C4orf17: variants seen among roughly 807,000 people sequenced by gnomAD.
C4orf17 encodes the protein uncharacterized protein C4orf17.
In C4orf17, 25 loss-of-function variants were observed where a neutral mutation model predicts 32.0. The ratio of observed to expected loss-of-function variants is 0.78; its 90% confidence interval spans 0.57 to 1.09. The LOEUF (loss-of-function observed/expected upper bound fraction) is 1.09, where lower values mean the gene tolerates loss of function less well. Among genes scored for constraint, C4orf17 ranks in the 50% least tolerant of loss-of-function variants. The pLI is 0.00. For synonymous variants in C4orf17, 149 were observed against 145.8 expected (o/e 1.02, Z -0.16); for missense variants, 420 against 420.0 (o/e 1.00, Z 0.00).
In C4orf17 at chr4:99,524,529, A is replaced by G. The variant is rs1256331066; in HGVS notation, c.346A>G (p.Arg116Gly). The G allele has an allele frequency of 6.3e-7, 1 of 1,596,694 alleles. No individual in the cohort carries two copies. Among genetic ancestry groups the G allele is most frequent in the African/African-American group, 1.3e-5 (1 of 74,484 alleles). The change falls in exon 4 of 9, where the codon AGA (arginine) becomes GGA (glycine). Residue 116 changes from arginine (R) to glycine (G), a missense_variant. Transcript: ENST00000326581. Reference protein sequence around the residue: ...VPPRPHSEPSRKIKECFKTSS... With the variant: ...VPPRPHSEPSGKIKECFKTSS... Reference sequence around the variant, plus strand: ...CCTCAATTTTATTTCAGAGCCCAGTAGAAAAATTAAAGAGTGCTTCAAAAC... The same window carrying G: ...CCTCAATTTTATTTCAGAGCCCAGTGGAAAAATTAAAGAGTGCTTCAAAAC...
chr4:99,527,388 G>A (rs145853400), intron 4 of C4orf17, among the ~76,000 whole-genome samples: 19 of 152,218 alleles, frequency 1.2e-4, no homozygotes, highest in Non-Finnish European at 2.2e-4. Flanking sequence ...TTGGTAGAAC[G>A]CAATATAAAT....
At chr4:99,521,728 A>G (rs35263221) in intron 2 of C4orf17, among the ~76,000 whole-genome samples, 9,631 of 152,260 alleles carry the variant, frequency 0.063, 545 homozygotes, top group South Asian at 0.16. Flanking sequence ...CAACGCAGCC[A>G]TCTCTTAATA....
At chr4:99,515,367 T>C (rs934395597) in intron 2 of C4orf17, among the ~76,000 whole-genome samples, 2 of 152,000 alleles carry the variant, frequency 1.3e-5, no homozygotes, top group East Asian at 3.9e-4. Context: ...TCTGCAGCCA[T>C]AAAAAGAATG....
intron 2 of C4orf17, among the ~76,000 whole-genome samples, chr4:99,518,094 C>T (rs1404129381): frequency 6.6e-6 from 1 of 152,040 alleles, no homozygotes; most frequent in African/African-American, 2.4e-5. Context: ...AATTAAGCCA[C>T]TTCTCTCCAT....
intron 5 of C4orf17, among the ~76,000 whole-genome samples, chr4:99,531,097 G>A (rs1723470291): frequency 6.8e-6 from 1 of 146,914 alleles, no homozygotes; most frequent in Admixed American, 6.8e-5. Flanking sequence ...TAGCTAACCA[G>A]TCACTCTATA....
At chr4:99,527,342 A>G (rs947596682) in intron 4 of C4orf17, among the ~76,000 whole-genome samples, 1 of 152,172 alleles carries the variant, frequency 6.6e-6, no homozygotes, top group East Asian at 1.9e-4. Flanking sequence ...TAAATTTTTC[A>G]TGTACCCATG....
intron 8 of C4orf17, chr4:99,541,111 A>C (rs969596021): frequency 6.6e-5 from 10 of 152,250 alleles, no homozygotes; most frequent in Non-Finnish European, 1.2e-4. Context: ...TTATACAAAA[A>C]TGTGTCTTGT....
chr4:99,527,391 A>G (rs556464993), intron 4 of C4orf17, among the ~76,000 whole-genome samples: 1 of 152,308 alleles, frequency 6.6e-6, no homozygotes, highest in East Asian at 1.9e-4. Flanking sequence ...GTAGAACGCA[A>G]TATAAATATC....
chr4:99,542,220 T>C lies in C4orf17; in HGVS notation c.*111T>C. 1 of 836,132 alleles carries C rather than the reference T, an allele frequency of 1.2e-6. No individual in the cohort carries two copies. The highest frequency in any genetic ancestry group is 1.5e-5 in the South Asian group (1 of 64,982). The allele number at this position is 836,132 out of a possible 1,614,324, so 51.8% of individuals were successfully genotyped here. A position where few individuals can be genotyped will look rare whatever the true frequency, so the allele number is the denominator to read the frequency against. On this transcript the variant is annotated 3_prime_UTR_variant, in exon 9 of 9. Coordinates refer to ENST00000326581, the MANE Select transcript of C4orf17 (RefSeq NM_032149.3). The stretch of plus-strand genomic sequence containing the variant: ...TTGAGGAATCAAGTGGTCCTCTTTA[T>C]GGTGGCACATGTAAATCTAAAAATA...
At chr4:99,520,903 G>A (rs1723278220) in intron 2 of C4orf17, among the ~76,000 whole-genome samples, 1 of 152,082 alleles carries the variant, frequency 6.6e-6, no homozygotes. Context: ...ATACTTATAA[G>A]TATAGATTAA....
At chr4:99,525,803 A>C (rs1723378283) in intron 4 of C4orf17, among the ~76,000 whole-genome samples, 1 of 152,132 alleles carries the variant, frequency 6.6e-6, no homozygotes, top group Non-Finnish European at 1.5e-5. Context: ...TTCAAAAAAA[A>C]AAAAAATTGG....
chr4:99,525,754 G>A (rs377650987), intron 4 of C4orf17, among the ~76,000 whole-genome samples: 4 of 151,616 alleles, frequency 2.6e-5, no homozygotes, highest in African/African-American at 9.7e-5. Flanking sequence ...CCGAGATGGT[G>A]CCACTGCACT....
chr4:99,528,567 T>C (rs1723428240), intron 4 of C4orf17, among the ~76,000 whole-genome samples: 1 of 152,172 alleles, frequency 6.6e-6, no homozygotes, highest in Non-Finnish European at 1.5e-5. Flanking sequence ...TTTATTTTTG[T>C]GACATATCCA....
Position 99,513,009 on chromosome 4 carries a change from T to C in C4orf17, c.-73T>C. ...TTCAGGGTCTGAGCACATCTGGAAG[T>C]GAGGTCAATCAAGTTAGACCCCAAA... On this transcript the variant is annotated 5_prime_UTR_variant, in exon 2 of 9. Coordinates refer to ENST00000326581, the MANE Select transcript of C4orf17 (RefSeq NM_032149.3). The C allele has an allele frequency of 6.5e-7, 1 of 1,540,996 alleles. No homozygotes were observed. The highest frequency in any genetic ancestry group is 8.9e-7 in the Non-Finnish European group (1 of 1,120,388).
intron 4 of C4orf17, among the ~76,000 whole-genome samples, chr4:99,528,484 T>C (rs970054635): frequency 3.3e-5 from 5 of 152,216 alleles, no homozygotes; most frequent in South Asian, 4.1e-4. Context: ...GTATATACCA[T>C]TTTCACTGAG....
chr4:99,518,581 AG>A (rs1560585673), intron 2 of C4orf17, among the ~76,000 whole-genome samples: 23 of 110,676 alleles, frequency 2.1e-4, no homozygotes, highest in African/African-American at 1.1e-3. Flanking sequence ...AGAGAGAGAG[AG>A]AGGGAGGGAG....
chr4:99,526,551 T>C (rs977918562), intron 4 of C4orf17, among the ~76,000 whole-genome samples: 1 of 152,122 alleles, frequency 6.6e-6, no homozygotes, highest in Admixed American at 6.5e-5. Flanking sequence ...TGGATATTAA[T>C]TCTTCCTTAA....
chr4:99,514,283 T>A (rs1283983079), intron 2 of C4orf17, among the ~76,000 whole-genome samples: 1 of 151,784 alleles, frequency 6.6e-6, no homozygotes, highest in Non-Finnish European at 1.5e-5. Context: ...CTAAAAAGCT[T>A]CTCCACAGCA....
Position 99,539,293 on chromosome 4 carries a change from C to G in C4orf17, c.759C>G (p.Pro253=). 4 of 1,614,086 alleles carry G rather than the reference C, an allele frequency of 2.5e-6. No homozygotes were observed. The highest frequency in any genetic ancestry group is 3.4e-6 in the Non-Finnish European group (4 of 1,179,966). The change falls in exon 7 of 9, where the codon CCC becomes CCG. Residue 253 remains proline (P), a synonymous_variant. Transcript: ENST00000326581. ...AGCCACCCACAGTTAAATCACCACC[C>G]ACAGTTAAATTGCCCCCAAATTTTA... The part of the protein sequence containing the change: ...TGKPPTVKSP[P]TVKLPPNFTA...
Sources: allele counts gnomAD v4.1 joint callset (sites outside exome capture counted in the v4.1 genomes callset), GRCh38; gene constraint gnomAD v4.1.1; transcripts MANE v1.5; gene names NCBI Gene and HGNC (gene_info 2026-07-23, HGNC 2026-07-21).